SCN2A: variants seen among roughly 807,000 people sequenced by gnomAD.
SCN2A encodes the protein sodium channel protein type 2 subunit alpha.
Under a neutral mutation model 188.7 loss-of-function variants are expected in SCN2A, and 20 were observed. That is an observed-to-expected ratio of 0.11 (90% CI 0.07 to 0.15). The LOEUF (loss-of-function observed/expected upper bound fraction) is 0.15, where lower values mean the gene tolerates loss of function less well. Among genes scored for constraint, SCN2A ranks in the 10% least tolerant of loss-of-function variants. The pLI is 1.00. For missense variants in SCN2A, 1,278 were observed against 2,445.0 expected, an observed-to-expected ratio of 0.52 and a Z score of 10.07; for synonymous variants, 804 against 833.1, an observed-to-expected ratio of 0.97 and a Z score of 0.60.
intron 16 of SCN2A, among the ~76,000 whole-genome samples, chr2:165,353,400 GGATAATTGTTGATTT>G (rs1186320868): frequency 6.6e-6 from 1 of 151,890 alleles, no homozygotes; most frequent in East Asian, 1.9e-4. Flanking sequence ...AAATATATTG[GGATAATTGTTGATTT>G]TAGGAATAAA....
chr2:165,281,499 G>C (rs1159854091), intron 1 of SCN2A, among the ~76,000 whole-genome samples: 2 of 151,864 alleles, frequency 1.3e-5, no homozygotes, highest in African/African-American at 4.8e-5. Context: ...GGAGTGCTTG[G>C]TGAGAAGTAG....
At chr2:165,313,284 T>G (rs1697542748) in intron 8 of SCN2A, among the ~76,000 whole-genome samples, 1 of 152,130 alleles carries the variant, frequency 6.6e-6, no homozygotes, top group South Asian at 2.1e-4. Flanking sequence ...CCTCAAGACA[T>G]CCTCAGTGAA....
intron 1 of SCN2A, among the ~76,000 whole-genome samples, chr2:165,253,426 CT>C (rs1006442148): frequency 6.6e-6 from 1 of 152,026 alleles, no homozygotes; most frequent in African/African-American, 2.4e-5. Context: ...AAACCATGGT[CT>C]TTTACAGCCT....
At chr2:165,386,288 A>T (rs546898595) in intron 25 of SCN2A, among the ~76,000 whole-genome samples, 2 of 151,972 alleles carry the variant, frequency 1.3e-5, no homozygotes, top group East Asian at 3.9e-4. Context: ...ATACGGTGAA[A>T]TCCCGTCTCT....
intron 14 of SCN2A, among the ~76,000 whole-genome samples, chr2:165,341,180 G>A (rs1357342052): frequency 1.3e-5 from 2 of 152,104 alleles, no homozygotes; most frequent in Non-Finnish European, 2.9e-5. Flanking sequence ...TGCAAGCTCC[G>A]ACTCCCGGGT....
chr2:165,357,688 G>A (rs1700248302), intron 17 of SCN2A, among the ~76,000 whole-genome samples: 1 of 152,092 alleles, frequency 6.6e-6, no homozygotes, highest in Non-Finnish European at 1.5e-5. Context: ...TAATGTGGAA[G>A]CCATGCTTGA....
At chr2:165,355,437 T>A (rs10207041) in intron 17 of SCN2A, among the ~76,000 whole-genome samples, 150,884 of 152,312 alleles carry the variant, frequency 0.99, 74,750 homozygotes, top group Middle Eastern at 1. Flanking sequence ...ATTAACCTGT[T>A]GCTCAATAAG....
intron 11 of SCN2A, 134 bp downstream of exon 11, chr2:165,315,892 T>C: frequency 9.4e-7 from 1 of 1,068,316 alleles, no homozygotes; most frequent in Non-Finnish European, 1.3e-6. Context: ...ATCAAGTGTT[T>C]TGGCTATCAC....
chr2:165,372,219 G>A (rs1478691409), intron 20 of SCN2A: 1 of 152,036 alleles, frequency 6.6e-6, no homozygotes, highest in African/African-American at 2.4e-5. Flanking sequence ...GGAACTATAT[G>A]AACTATGTAA....
chr2:165,321,111 C>G (rs1005709203), intron 11 of SCN2A, among the ~76,000 whole-genome samples: 3 of 152,218 alleles, frequency 2.0e-5, no homozygotes, highest in African/African-American at 4.8e-5. Context: ...GCCAGATACT[C>G]TAAATCATCT....
At chr2:165,339,879 A>G (rs1699214207) in intron 14 of SCN2A, among the ~76,000 whole-genome samples, 1 of 152,192 alleles carries the variant, frequency 6.6e-6, no homozygotes, top group Non-Finnish European at 1.5e-5. Context: ...GAAAACATTA[A>G]CCTACCTGAC....
chr2:165,373,904 C>G (rs1268184141), intron 21 of SCN2A, among the ~76,000 whole-genome samples: 1 of 151,794 alleles, frequency 6.6e-6, no homozygotes, highest in Non-Finnish European at 1.5e-5. Flanking sequence ...GACCACATAC[C>G]CTCACCACCT....
chr2:165,269,898 A>T (rs747980166), intron 1 of SCN2A: 1 of 151,944 alleles, frequency 6.6e-6, no homozygotes, highest in African/African-American at 2.4e-5. Context: ...CTTATCAGTG[A>T]TAATTCAAAT....
Position 165,386,823 on chromosome 2 carries a change from T to G in SCN2A, c.4629T>G (p.Leu1543=). 1.2e-6 allele frequency: 2 copies of G among 1,613,936 alleles called. No homozygotes were observed. Among genetic ancestry groups the G allele is most frequent in the Non-Finnish European group, 1.7e-6 (2 of 1,179,884 alleles). ...FDISIMILIC[L]NMVTMMVETD... ...TCAGCATCATGATCCTCATCTGCCT[T>G]AACATGGTCACCATGATGGTGGAAA... The change falls in exon 26 of 27, where the codon CTT becomes CTG. Residue 1543 remains leucine, a synonymous_variant. Transcript: ENST00000375437.
At chr2:165,263,104 G>C (rs1330531902) in intron 1 of SCN2A, among the ~76,000 whole-genome samples, 3 of 151,896 alleles carry the variant, frequency 2.0e-5, no homozygotes, top group African/African-American at 7.3e-5. Context: ...TTTTTTTCTG[G>C]CTGATTTGTT....
intron 1 of SCN2A, among the ~76,000 whole-genome samples, chr2:165,253,346 C>T (rs936556987): frequency 6.6e-6 from 1 of 152,036 alleles, no homozygotes; most frequent in African/African-American, 2.4e-5. Context: ...TTCTGATGTG[C>T]ATAATACCTA....
At position 165,331,377 on chromosome 2, in the gene SCN2A, G is replaced by A. The variant is rs1387426259; in HGVS notation, c.2197G>A (p.Ala733Thr). 1.2e-6 allele frequency: 2 copies of A among 1,613,748 alleles called. No homozygotes were observed. Among genetic ancestry groups the A allele is most frequent in the East Asian group, 2.2e-5 (1 of 44,876 alleles). Residue 733 changes from alanine (A) to threonine (T), a missense_variant, in exon 14 of 27, where the codon GCT becomes ACT. Transcript: ENST00000375437. ...ATGCCCACCATGCTGGTATAAATTT[G>A]CTAATATGTGTTTGATTTGGGACTG... ...QKCPPCWYKF[A>T]NMCLIWDCCK... is the part of the protein sequence containing the mutation.
rs576588323 is a variant in SCN2A at position 165,294,850 on chromosome 2, G to C, written c.-51-923G>C. Among the ~76,000 whole-genome samples, 5 of 152,258 alleles carry C rather than the reference G, an allele frequency of 3.3e-5. No homozygotes were observed. The South Asian group carries it at 1.0e-3, about 32-fold the overall frequency. On this transcript the variant is annotated intron_variant, in intron 1 of 26. Transcript: ENST00000375437. Reference sequence around the variant, plus strand: ...GTTATTGCAAAGACTCATATAATAAGAGTTTGCTTGAAAAGATAAACTATC... The same window carrying C: ...GTTATTGCAAAGACTCATATAATAACAGTTTGCTTGAAAAGATAAACTATC...
intron 25 of SCN2A, among the ~76,000 whole-genome samples, chr2:165,381,574 T>C (rs1381544737): frequency 6.6e-6 from 1 of 151,914 alleles, no homozygotes; most frequent in Non-Finnish European, 1.5e-5. Flanking sequence ...ATCGGAATAA[T>C]TGGTACGTCA....
Sources: gnomAD v4.1 joint callset for allele counts (sites outside exome capture counted in the v4.1 genomes callset) on GRCh38, gnomAD v4.1.1 for gene constraint, MANE v1.5 for transcripts, NCBI Gene and HGNC (gene_info 2026-07-23, HGNC 2026-07-21) for gene names.